SORCS1: variants seen among roughly 807,000 people sequenced by gnomAD.
SORCS1 encodes the protein sortilin related VPS10 domain containing receptor 1.
A neutral mutation model predicts 146.1 loss-of-function variants in SORCS1; 60 were observed. The ratio of observed to expected loss-of-function variants is 0.41; its 90% CI spans 0.33 to 0.51. SORCS1 has a LOEUF of 0.51. Ranked by LOEUF, SORCS1 falls within the 20% of genes least tolerant of loss-of-function variation. The pLI is 0.21. For missense variants in SORCS1, 1,352 were observed against 1,487.6 expected, an observed-to-expected ratio of 0.91 and a Z score of 1.50; for synonymous variants, 637 against 584.0, an observed-to-expected ratio of 1.09 and a Z score of -1.31.
At chr10:107,000,441 A>AC (rs1018874347) in intron 1 of SORCS1, among the ~76,000 whole-genome samples, 1 of 148,264 alleles carries the variant, frequency 6.7e-6, no homozygotes, top group Non-Finnish European at 1.5e-5. Context: ...CTACTAAAAT[A>AC]CAAAAAAAAA....
At chr10:106,786,672 A>G (rs1177360106) in intron 3 of SORCS1, among the ~76,000 whole-genome samples, 1 of 152,080 alleles carries the variant, frequency 6.6e-6, no homozygotes, top group South Asian at 2.1e-4. Context: ...ATGCACACGC[A>G]CACACACACA....
intron 1 of SORCS1, among the ~76,000 whole-genome samples, chr10:107,072,138 G>T (rs1962481084): frequency 2.0e-5 from 3 of 152,272 alleles, no homozygotes; most frequent in South Asian, 4.1e-4. Context: ...AGGGTAACAG[G>T]AAGGAGACAG....
intron 2 of SORCS1, among the ~76,000 whole-genome samples, chr10:106,842,492 C>A (rs1460641342): frequency 2.0e-5 from 3 of 152,074 alleles, no homozygotes; most frequent in African/African-American, 7.2e-5. Context: ...CCTCAGCCTC[C>A]CAAAGTGCTG....
At chr10:106,875,586 T>A (rs1163970559) in intron 2 of SORCS1, among the ~76,000 whole-genome samples, 5 of 152,186 alleles carry the variant, frequency 3.3e-5, no homozygotes, top group Non-Finnish European at 4.4e-5. Flanking sequence ...ACCAGCAGTG[T>A]ATAAGCGTTC....
chr10:106,780,116 A>G (rs921599513), intron 3 of SORCS1, among the ~76,000 whole-genome samples: 2 of 152,226 alleles, frequency 1.3e-5, no homozygotes, highest in African/African-American at 4.8e-5. Flanking sequence ...TTGAGAAACA[A>G]ACACTGAAAA....
At chr10:107,049,636 T>C (rs1013648370) in intron 1 of SORCS1, among the ~76,000 whole-genome samples, 1 of 152,170 alleles carries the variant, frequency 6.6e-6, no homozygotes, top group African/African-American at 2.4e-5. Flanking sequence ...GCATTGAAGT[T>C]TGTCTTTAAT....
At chr10:106,606,658 G>C (rs1048637905) in intron 23 of SORCS1, among the ~76,000 whole-genome samples, 10 of 152,130 alleles carry the variant, frequency 6.6e-5, no homozygotes, top group Non-Finnish European at 1.2e-4. Flanking sequence ...GTTCCCTGCT[G>C]ATATGGTTTG....
At chr10:106,856,749 A>T (rs1196030549) in intron 2 of SORCS1, among the ~76,000 whole-genome samples, 1 of 152,204 alleles carries the variant, frequency 6.6e-6, no homozygotes, top group African/African-American at 2.4e-5. Context: ...AGACATGTCC[A>T]CACTGAGCCT....
At chr10:107,042,942 A>AT (rs1386472363) in intron 1 of SORCS1, among the ~76,000 whole-genome samples, 1 of 152,218 alleles carries the variant, frequency 6.6e-6, no homozygotes, top group African/African-American at 2.4e-5. Flanking sequence ...CAAGAAGGCC[A>AT]TGTTGGAGCT....
chr10:106,728,964 TAC>T (rs1564905149), intron 6 of SORCS1, among the ~76,000 whole-genome samples: 1 of 152,168 alleles, frequency 6.6e-6, no homozygotes, highest in African/African-American at 2.4e-5. Flanking sequence ...CTCTTCTATA[TAC>T]AGTTTCCCCC....
In SORCS1 at chr10:106,911,838, T is replaced by C. The variant is rs189702375; in HGVS notation, c.626+44675A>G. Among the ~76,000 whole-genome samples the C allele has an allele frequency of 9.4e-4, 143 of 151,792 alleles. 1 individual carries two copies. Among genetic ancestry groups the C allele is most frequent in the East Asian group, 3.3e-3 (17 of 5,162 alleles). ...TATTAAAAGCTGCTCAGGGACTGGG[T>C]GTGGTGGCTCACGCCTGTGATCCCA... On this transcript the variant is annotated intron_variant, in intron 2 of 25. Transcript: ENST00000263054.
intron 6 of SORCS1, among the ~76,000 whole-genome samples, chr10:106,720,073 C>G (rs1250107848): frequency 6.6e-6 from 1 of 152,216 alleles, no homozygotes; most frequent in Non-Finnish European, 1.5e-5. Flanking sequence ...TCTGATCACT[C>G]TCTATTCTCC....
intron 1 of SORCS1, among the ~76,000 whole-genome samples, chr10:107,160,047 G>C (rs1969585214): frequency 6.6e-6 from 1 of 152,192 alleles, no homozygotes; most frequent in Non-Finnish European, 1.5e-5. Flanking sequence ...GAAGAGGTGG[G>C]TGGATGAGAG....
chr10:106,945,846 A>G (rs1233464944), intron 2 of SORCS1, among the ~76,000 whole-genome samples: 1 of 152,234 alleles, frequency 6.6e-6, no homozygotes, highest in Non-Finnish European at 1.5e-5. Context: ...ACTCTCACAG[A>G]TGGTCTCACA....
intron 1 of SORCS1, among the ~76,000 whole-genome samples, chr10:107,020,388 C>T (rs896974647): frequency 1.3e-5 from 2 of 152,078 alleles, no homozygotes; most frequent in Non-Finnish European, 2.9e-5. Context: ...CCTCTTCAGC[C>T]CTTGGGGAAG....
chr10:106,843,818 G>C (rs4917488), intron 2 of SORCS1, among the ~76,000 whole-genome samples: 1 of 152,106 alleles, frequency 6.6e-6, no homozygotes, highest in Non-Finnish European at 1.5e-5. Context: ...CAGACACTTA[G>C]GTTGTTTCCG....
chr10:106,925,044 CTATAT>C (rs71025567), intron 2 of SORCS1, among the ~76,000 whole-genome samples: 79,076 of 151,498 alleles, frequency 0.52, 22,193 homozygotes, highest in Non-Finnish European at 0.63. Flanking sequence ...CTTTTATATG[CTATAT>C]TATATATCAT....
intron 1 of SORCS1, among the ~76,000 whole-genome samples, chr10:107,044,814 TAAAAAAAAAA>T (rs71025575): frequency 1.1e-5 from 1 of 90,288 alleles, no homozygotes. Flanking sequence ...TGTGTCTCAA[TAAAAAAAAAA>T]AAAAAAAAAA....
intron 2 of SORCS1, among the ~76,000 whole-genome samples, chr10:106,850,647 C>A (rs1949528152): frequency 6.6e-6 from 1 of 152,144 alleles, no homozygotes; most frequent in Non-Finnish European, 1.5e-5. Context: ...AAAGGCATTC[C>A]CAAGACACCC....
Sources: allele counts gnomAD v4.1 joint callset (sites outside exome capture counted in the v4.1 genomes callset), GRCh38; gene constraint gnomAD v4.1.1; transcripts MANE v1.5; gene names NCBI Gene and HGNC (gene_info 2026-07-23, HGNC 2026-07-21).